The following PDCD4 variants were observed in gnomAD, a reference collection of about 807,000 sequenced individuals.
PDCD4 encodes programmed cell death 4, also known as programmed cell death protein 4.
PDCD4 carries 56 observed loss-of-function variants against 54.0 expected under a neutral mutation model. That is an observed-to-expected ratio of 1.04 (90% confidence interval 0.84 to 1.30). The LOEUF is 1.30. Ranked by LOEUF, PDCD4 falls within the 50% of genes most tolerant of loss-of-function variation. PDCD4 has a pLI of 0.00. For missense variants in PDCD4, 584 were observed against 559.8 expected (o/e 1.04, Z -0.44); for synonymous variants, 186 against 194.8 (o/e 0.95, Z 0.37).
At chr10:110,889,474 T>G (rs557579986) in intron 6 of PDCD4, 59 bp from the exon 7 acceptor site, 2 of 893,208 alleles carry the variant, frequency 2.2e-6, no homozygotes, top group Non-Finnish European at 3.7e-6. Flanking sequence ...ATTTAGAAAT[T>G]GTGACCTATA....
At chr10:110,896,201 G>A (rs1845830161) in intron 11 of PDCD4, 114 bp downstream of exon 11, 2 of 757,604 alleles carry the variant, frequency 2.6e-6, no homozygotes, top group Admixed American at 3.0e-5. Flanking sequence ...CGTGACTCTT[G>A]TGAGTTCATG....
At chr10:110,895,799 T>C (rs1845822602) in intron 10 of PDCD4, 149 bp from the exon 11 acceptor site, 1 of 570,480 alleles carries the variant, frequency 1.8e-6, no homozygotes, top group African/African-American at 2.0e-5. Flanking sequence ...AAATCTACTT[T>C]CTGTGCTTCT....
chr10:110,881,074 T>C (rs1420329200), intron 2 of PDCD4, among the ~76,000 whole-genome samples, 159 bp from the exon 3 acceptor site: 1 of 152,246 alleles, frequency 6.6e-6, no homozygotes, highest in Admixed American at 6.5e-5. Context: ...TTTAGTTGTT[T>C]ATTAGATTGA....
chr10:110,881,599 G>T, intron 3 of PDCD4, 64 bp downstream of exon 3: 3 of 1,321,810 alleles, frequency 2.3e-6, no homozygotes, highest in South Asian at 1.4e-5. Flanking sequence ...TCTGGTTCTT[G>T]TACTACACTT....
intron 2 of PDCD4, among the ~76,000 whole-genome samples, chr10:110,878,583 TTTTG>T (rs1158148346): frequency 6.6e-6 from 1 of 152,236 alleles, no homozygotes; most frequent in Non-Finnish European, 1.5e-5. Context: ...ACTTAATCAT[TTTTG>T]TTTATCTCTC....
chr10:110,880,590 G>C (rs1051126607), intron 2 of PDCD4: 38 of 152,262 alleles, frequency 2.5e-4, no homozygotes, highest in African/African-American at 9.2e-4. Flanking sequence ...CAGCAGTTCA[G>C]CTCAACAATC....
Position 110,876,064 on chromosome 10 carries a change from C to G in PDCD4, c.37C>G (p.Pro13Ala). Reference protein sequence around the residue: ...VENEQILNVNPADPDNLSDSL... With the variant: ...VENEQILNVNAADPDNLSDSL... ...AAATGAGCAGATACTGAATGTAAAC[C>G]CTGCAGGTAAGTAAGGATATCCTTT... The change falls in exon 2 of 12, where the codon CCT (proline) becomes GCT (alanine). Residue 13 changes from proline to alanine, a missense_variant. Transcript: ENST00000280154. 2 of 1,607,648 alleles carry G rather than the reference C, an allele frequency of 1.2e-6. No homozygotes were observed. Among genetic ancestry groups the G allele is most frequent in the Non-Finnish European group, 1.7e-6 (2 of 1,176,428 alleles).
rs775616314 is a variant in PDCD4, at chr10:110,899,328, T to C, written c.*1240T>C. On this transcript the variant is annotated 3_prime_UTR_variant, in exon 12 of 12. Coordinates refer to ENST00000280154, the MANE Select transcript of PDCD4 (RefSeq NM_014456.5). Reference sequence around the variant, plus strand: ...ATTAAAACCAAGTTTAGTGTTCATATTTACCTCATGGGCTTTATCAAGCCC... The same window carrying C: ...ATTAAAACCAAGTTTAGTGTTCATACTTACCTCATGGGCTTTATCAAGCCC... The C allele has an allele frequency of 1.3e-5, 2 of 152,220 alleles. No homozygotes were observed. The highest frequency in any genetic ancestry group is 6.5e-5 in the Admixed American group (1 of 15,282). The allele number at this position is 152,220 out of a possible 1,614,324, so 9.4% of individuals were successfully genotyped here.
In PDCD4 at chr10:110,899,905, T is replaced by C. The variant is rs1212911329; in HGVS notation, c.*1817T>C. 6.5e-6 allele frequency: 1 copy of C among 153,278 alleles called. No homozygotes were observed. The highest frequency in any genetic ancestry group is 1.5e-5 in the Non-Finnish European group (1 of 68,886). 9.5% of individuals were successfully genotyped at this position (153,278 alleles called of 1,614,324 possible). On this transcript the variant is annotated 3_prime_UTR_variant, in exon 12 of 12. Transcript: ENST00000280154. ...GGCACATAAAATTGGTTAAAAAATT[T>C]TGTTTTTTAATTACGTAATGTAAAA... is the stretch of plus-strand genomic sequence containing the variant.
intron 4 of PDCD4, among the ~76,000 whole-genome samples, chr10:110,884,205 G>A (rs1039934405): frequency 1.3e-5 from 2 of 152,186 alleles, no homozygotes; most frequent in South Asian, 2.1e-4. Flanking sequence ...GTTGTCCAGC[G>A]TGTATCCGCA....
chr10:110,885,640 T>C (rs1845659397), intron 5 of PDCD4, among the ~76,000 whole-genome samples: 1 of 151,844 alleles, frequency 6.6e-6, no homozygotes, highest in African/African-American at 2.4e-5. Context: ...TATGAATTTA[T>C]AAAATCTGTT....
In PDCD4 at chr10:110,881,523, C is replaced by G; in HGVS notation, c.334C>G (p.Leu112Val). Residue 112 changes from leucine to valine, a missense_variant, in exon 3 of 12, where the codon CTA becomes GTA. Physicochemically the swap from Leu to Val is conservative, Grantham distance 32. Coordinates refer to ENST00000280154, the MANE Select transcript of PDCD4 (RefSeq NM_014456.5). ...RRSRSGKGRG[L>V]PKKGGAGGKG... Reference sequence around the variant, plus strand: ...ATCCAGATCTGGGAAAGGAAGGGGACTACCAAAGAAAGGTTGGTATATATC... The same window carrying G: ...ATCCAGATCTGGGAAAGGAAGGGGAGTACCAAAGAAAGGTTGGTATATATC... The G allele has an allele frequency of 6.2e-7, 1 of 1,610,522 alleles. No homozygotes were observed. Among genetic ancestry groups the G allele is most frequent in the South Asian group, 1.1e-5 (1 of 90,944 alleles).
chr10:110,887,616 T>C (rs1845687437), intron 5 of PDCD4, 49 bp from the exon 6 acceptor site: 3 of 1,305,840 alleles, frequency 2.3e-6, no homozygotes, highest in Non-Finnish European at 3.3e-6. Flanking sequence ...TATTGAACTA[T>C]AGGTAGTGAT....
intron 10 of PDCD4, among the ~76,000 whole-genome samples, chr10:110,895,352 A>G (rs1424855394): frequency 2.0e-5 from 3 of 152,046 alleles, no homozygotes; most frequent in Non-Finnish European, 4.4e-5. Flanking sequence ...TGTTTGTGAT[A>G]ATTTTCTTAG....
intron 11 of PDCD4, 90 bp downstream of exon 11, chr10:110,896,177 A>C (rs1241157511): frequency 1.8e-5 from 17 of 949,022 alleles, no homozygotes; most frequent in Admixed American, 2.7e-5. Flanking sequence ...TCGTTCCCTG[A>C]AGTCACTGAA....
At chr10:110,886,907 G>C (rs550383913) in intron 5 of PDCD4, among the ~76,000 whole-genome samples, 1 of 152,226 alleles carries the variant, frequency 6.6e-6, no homozygotes, top group Non-Finnish European at 1.5e-5. Context: ...TGATACAAAA[G>C]TGTGAAGTGA....
chr10:110,894,285 C>T, intron 9 of PDCD4, 87 bp downstream of exon 9: 1 of 920,490 alleles, frequency 1.1e-6, no homozygotes, highest in Admixed American at 1.9e-5. Flanking sequence ...AATGTACATC[C>T]TTTTTTTAAT....
In PDCD4 at chr10:110,883,075, A is replaced by T; in HGVS notation, c.419A>T (p.Asp140Val). 1 of 1,591,000 alleles carries T rather than the reference A, an allele frequency of 6.3e-7. No individual in the cohort carries two copies. Among genetic ancestry groups the T allele is most frequent in the Non-Finnish European group, 8.5e-7 (1 of 1,170,156 alleles). ...GATGTGGAGGAGGTGGATGTGAAAGATCCTAACTATGATGATGACCAGGTA... is the reference window on the plus strand; with the variant it reads ...GATGTGGAGGAGGTGGATGTGAAAGTTCCTAACTATGATGATGACCAGGTA... ...VYDVEEVDVK[D>V]PNYDDDQENC... The change falls in exon 4 of 12, where the codon GAT (aspartate) becomes GTT (valine). Residue 140 changes from aspartate to valine, a missense_variant. Physicochemically the swap from Asp to Val is radical, Grantham distance 152 (BLOSUM62 -3). Coordinates refer to ENST00000280154, the MANE Select transcript of PDCD4 (RefSeq NM_014456.5).
At chr10:110,876,376 T>C (rs1173152889) in intron 2 of PDCD4, among the ~76,000 whole-genome samples, 1 of 152,232 alleles carries the variant, frequency 6.6e-6, no homozygotes, top group African/African-American at 2.4e-5. Context: ...AAAAACATGA[T>C]AGAAAAACTA....
Sources: gnomAD v4.1 joint callset for allele counts (sites outside exome capture counted in the v4.1 genomes callset) on GRCh38, gnomAD v4.1.1 for gene constraint, MANE v1.5 for transcripts, NCBI Gene and HGNC (gene_info 2026-07-23, HGNC 2026-07-21) for gene names.